CACNB2: variants seen among roughly 807,000 people sequenced by gnomAD.
CACNB2 encodes the protein calcium voltage-gated channel auxiliary subunit beta 2, also known as voltage-dependent L-type calcium channel subunit beta-2.
In CACNB2, 42 loss-of-function variants were observed where a neutral mutation model predicts 73.3. The observed-to-expected ratio is 0.57, with a 90% CI of 0.45 to 0.74. The LOEUF is 0.74. CACNB2 is among the 30% of genes least tolerant of loss of function. The pLI is 0.00. For missense variants in CACNB2, 940 were observed against 853.0 expected (o/e 1.10, Z -1.27); for synonymous variants, 348 against 310.3 (o/e 1.12, Z -1.28).
At chr10:18,388,157 C>T (rs903248979) in intron 2 of CACNB2, among the ~76,000 whole-genome samples, 20 of 152,148 alleles carry the variant, frequency 1.3e-4, no homozygotes, top group African/African-American at 4.8e-4. Flanking sequence ...GTCCATTACA[C>T]CTTCAAATGC....
chr10:18,158,795 G>A (rs1362455800), intron 2 of CACNB2, among the ~76,000 whole-genome samples: 2 of 152,224 alleles, frequency 1.3e-5, no homozygotes, highest in Admixed American at 6.5e-5. Context: ...AACAAGTCCT[G>A]CTTGGCATGG....
chr10:18,497,619 C>T (rs1204574816), intron 3 of CACNB2, among the ~76,000 whole-genome samples: 1 of 152,030 alleles, frequency 6.6e-6, no homozygotes, highest in Non-Finnish European at 1.5e-5. Context: ...GAGAAGAGGT[C>T]TTGCTATGTT....
At chr10:18,161,117 A>C (rs998019126) in intron 2 of CACNB2, among the ~76,000 whole-genome samples, 2 of 152,178 alleles carry the variant, frequency 1.3e-5, no homozygotes, top group East Asian at 3.9e-4. Flanking sequence ...ATAATCCAAG[A>C]AGGATGGAAG....
intron 2 of CACNB2, among the ~76,000 whole-genome samples, chr10:18,161,599 C>T (rs769665937): frequency 4.6e-5 from 7 of 150,940 alleles, no homozygotes; most frequent in Non-Finnish European, 7.4e-5. Flanking sequence ...GTCCAGGTGC[C>T]GCATCTGAAA....
chr10:18,229,009 T>A (rs1052972143), intron 2 of CACNB2, among the ~76,000 whole-genome samples: 10 of 152,336 alleles, frequency 6.6e-5, no homozygotes, highest in South Asian at 2.1e-4. Context: ...CACAAAGTGG[T>A]GGGATTACAG....
chr10:18,490,434 G>A (rs2045346345), intron 3 of CACNB2, among the ~76,000 whole-genome samples: 1 of 152,016 alleles, frequency 6.6e-6, no homozygotes, highest in Non-Finnish European at 1.5e-5. Flanking sequence ...TTCTTGGCTT[G>A]GAACAGGGAG....
chr10:18,480,219 G>A (rs1263615890), intron 3 of CACNB2, among the ~76,000 whole-genome samples: 1 of 152,046 alleles, frequency 6.6e-6, no homozygotes, highest in Non-Finnish European at 1.5e-5. Context: ...GTTTGTATAT[G>A]CTTGACATTT....
chr10:18,484,548 C>A (rs750087646), intron 3 of CACNB2, among the ~76,000 whole-genome samples: 1 of 152,120 alleles, frequency 6.6e-6, no homozygotes, highest in Non-Finnish European at 1.5e-5. Context: ...AAAGATGTAG[C>A]CAACCAAGGG....
At chr10:18,306,453 A>G (rs1466925449) in intron 2 of CACNB2, among the ~76,000 whole-genome samples, 1 of 152,222 alleles carries the variant, frequency 6.6e-6, no homozygotes, top group Non-Finnish European at 1.5e-5. Flanking sequence ...GATTTTGAGT[A>G]GATTCCATAA....
chr10:18,199,252 G>T (rs905458312), intron 2 of CACNB2, among the ~76,000 whole-genome samples: 3 of 152,196 alleles, frequency 2.0e-5, no homozygotes, highest in Admixed American at 1.3e-4. Flanking sequence ...TTGCAACAAA[G>T]AATATACCAA....
At chr10:18,466,274 C>T (rs2047879532) in intron 3 of CACNB2, among the ~76,000 whole-genome samples, 2 of 152,166 alleles carry the variant, frequency 1.3e-5, no homozygotes, top group Non-Finnish European at 2.9e-5. Context: ...GTCGCTCTGT[C>T]ACCCAGCCTA....
rs533154786 is a variant in CACNB2, at chr10:18,343,134, G to A, written c.214-58790G>A. 4.5e-4 allele frequency among the ~76,000 whole-genome samples: 69 copies of A among 152,266 alleles called. 1 individual carries two copies. The highest frequency in any genetic ancestry group is 3.4e-4 in the Non-Finnish European group (23 of 68,012). On this transcript the variant is annotated intron_variant, in intron 2 of 13. Coordinates refer to ENST00000324631, the MANE Select transcript of CACNB2 (RefSeq NM_201596.3). ...AAATATATATAGATCAGTCTAACTA[G>A]TTTTAAGTGCATAATTTATTTATGA...
At chr10:18,486,529 C>G (rs1251259894) in intron 3 of CACNB2, among the ~76,000 whole-genome samples, 2 of 152,216 alleles carry the variant, frequency 1.3e-5, no homozygotes. Context: ...CAGCAGGCCT[C>G]TGTGGAGCAA....
chr10:18,368,720 A>G (rs942469634), intron 2 of CACNB2, among the ~76,000 whole-genome samples: 4 of 152,218 alleles, frequency 2.6e-5, no homozygotes, highest in African/African-American at 9.6e-5. Context: ...TTCATTAATT[A>G]ACCCTCATGT....
chr10:18,210,081 A>G (rs79348792), intron 2 of CACNB2, among the ~76,000 whole-genome samples: 7,531 of 152,288 alleles, frequency 0.049, 245 homozygotes, highest in African/African-American at 0.074. Context: ...AGGGAATGTC[A>G]TATCCCCGTT....
chr10:18,233,705 T>A (rs575427055), intron 2 of CACNB2, among the ~76,000 whole-genome samples: 6 of 152,176 alleles, frequency 3.9e-5, no homozygotes, highest in African/African-American at 1.4e-4. Flanking sequence ...GCATTGTCTG[T>A]CTGAACTTTT....
At chr10:18,188,220 C>T (rs559584179) in intron 2 of CACNB2, among the ~76,000 whole-genome samples, 6 of 150,426 alleles carry the variant, frequency 4.0e-5, no homozygotes, top group Admixed American at 6.7e-5. Flanking sequence ...GCCTTCCTTC[C>T]GTCTTGCCTG....
chr10:18,179,602 GAT>G (rs2131201777), intron 2 of CACNB2, among the ~76,000 whole-genome samples: 1 of 144,788 alleles, frequency 6.9e-6, no homozygotes, highest in East Asian at 2.0e-4. Flanking sequence ...CAAATCAGCA[GAT>G]TTTTTTTTTT....
chr10:18,536,017 C>T (rs2053536821), intron 11 of CACNB2, 84 bp from the exon 12 acceptor site: 2 of 784,238 alleles, frequency 2.6e-6, no homozygotes, highest in East Asian at 5.4e-5. Context: ...TATAAAAAGG[C>T]CCCAGAGAAA....
Sources: allele counts gnomAD v4.1 joint callset (sites outside exome capture counted in the v4.1 genomes callset), GRCh38; gene constraint gnomAD v4.1.1; transcripts MANE v1.5; gene names NCBI Gene and HGNC (gene_info 2026-07-23, HGNC 2026-07-21).